Variants in CBLL1 observed in about 807,000 individuals in gnomAD.
The protein encoded by CBLL1 is E3 ubiquitin-protein ligase Hakai.
In CBLL1, 4 loss-of-function variants were observed where a neutral mutation model predicts 44.9. The ratio of observed to expected loss-of-function variants is 0.09; its 90% CI spans 0.04 to 0.20. The LOEUF (loss-of-function observed/expected upper bound fraction) is 0.20. Ranked by LOEUF, CBLL1 falls within the 10% of genes least tolerant of loss-of-function variation. CBLL1 has a pLI of 1.00. For missense variants in CBLL1, 569 were observed against 636.7 expected (o/e 0.89, Z 1.14); for synonymous variants, 235 against 202.2 (o/e 1.16, Z -1.38).
chr7:107,750,607 T>G (rs1793242028), intron 2 of CBLL1, among the ~76,000 whole-genome samples: 3 of 152,212 alleles, frequency 2.0e-5, no homozygotes, highest in Admixed American at 2.0e-4. Flanking sequence ...TTGAAGATTC[T>G]ATATAGTCAG....
At chr7:107,751,271 G>C (rs529319981) in intron 2 of CBLL1, among the ~76,000 whole-genome samples, 1 of 152,288 alleles carries the variant, frequency 6.6e-6, no homozygotes, top group South Asian at 2.1e-4. Context: ...TGAGGCTGCT[G>C]ATCTGACGGG....
At chr7:107,746,862 C>T (rs1179360784) in intron 1 of CBLL1, among the ~76,000 whole-genome samples, 2 of 152,100 alleles carry the variant, frequency 1.3e-5, no homozygotes, top group African/African-American at 4.8e-5. Context: ...AACTGTATCC[C>T]AGATTTTGTA....
At chr7:107,749,940 T>TTTGTTTGTTTG (rs1554370382) in intron 2 of CBLL1, among the ~76,000 whole-genome samples, 1 of 150,726 alleles carries the variant, frequency 6.6e-6, no homozygotes, top group Non-Finnish European at 1.5e-5. Context: ...ATATATATTT[T>TTTGTTTGTTTG]TTTGTTTGTT....
At chr7:107,749,083 T>C in intron 2 of CBLL1, 36 bp downstream of exon 2, 1 of 1,598,104 alleles carries the variant, frequency 6.3e-7, no homozygotes, top group Non-Finnish European at 8.6e-7. Context: ...ACACTCTTTC[T>C]GTTTTATCTG....
chr7:107,754,516 G>GA (rs201099123), intron 4 of CBLL1, among the ~76,000 whole-genome samples: 14 of 148,792 alleles, frequency 9.4e-5, no homozygotes, highest in Admixed American at 2.0e-4. Flanking sequence ...TTTGCCTTTA[G>GA]AAAAAAAAAA....
At chr7:107,744,403 T>A in intron 1 of CBLL1, 3 of 507,624 alleles carry the variant, frequency 5.9e-6, no homozygotes, top group Non-Finnish European at 1.0e-5. Context: ...CCGCTCCTAC[T>A]CTGGTTCTGC....
Position 107,758,009 on chromosome 7 carries a change from CTG to C in CBLL1, c.441-132_441-131del, listed in dbSNP as rs1013186319. 14 of 796,144 alleles carry C rather than the reference CTG, an allele frequency of 1.8e-5. No individual in the cohort carries two copies. In the Admixed American group the frequency reaches 2.4e-4, roughly 14 times the overall value. The allele number at this position is 796,144 out of a possible 1,614,324, so 49.3% of individuals were successfully genotyped here. A position where few individuals can be genotyped will look rare whatever the true frequency, so the allele number is the denominator to read the frequency against. ...AAGATTAAAGGTTTGCGTAGAATAA[CTG>C]TAACTTCTAATTGTGGACTTTTGCT... is the stretch of plus-strand genomic sequence containing the variant. On this transcript the variant is annotated intron_variant, in intron 5 of 5. Transcript: ENST00000440859. The surrounding 1 kb of genome is among the most constrained non-coding windows in gnomAD (Gnocchi z 4.2).
At position 107,758,094 on chromosome 7, in the gene CBLL1, T is replaced by C. The variant is rs745483627; in HGVS notation, c.441-49T>C. 4.0e-5 allele frequency: 59 copies of C among 1,489,904 alleles called. No individual in the cohort carries two copies. Among genetic ancestry groups the C allele is most frequent in the Non-Finnish European group, 4.4e-5 (49 of 1,110,116 alleles). 92.3% of individuals were successfully genotyped at this position (1,489,904 alleles called of 1,614,324 possible). ...AGCATATTTTTGAAAATTACATAAT[T>C]TTTTGTATTCTCTTTTAGTAAATCA... is the stretch of plus-strand genomic sequence containing the variant. On this transcript the variant is annotated intron_variant, in intron 5 of 5. Transcript: ENST00000440859. The surrounding 1 kb of genome is among the most constrained non-coding windows in gnomAD (Gnocchi z 4.2).
At chr7:107,744,453 G>A in intron 1 of CBLL1, 1 of 420,166 alleles carries the variant, frequency 2.4e-6, no homozygotes, top group Non-Finnish European at 4.2e-6. Context: ...GTAGGCCTTC[G>A]GGAAGGGAGA....
chr7:107,755,939 G>C (rs1419933860), intron 5 of CBLL1, among the ~76,000 whole-genome samples: 1 of 151,670 alleles, frequency 6.6e-6, no homozygotes, highest in African/African-American at 2.4e-5. Flanking sequence ...GATTAAATGA[G>C]GTTTTATATA....
At position 107,759,034 on chromosome 7, in the gene CBLL1, A is replaced by C. The variant is rs781124819; in HGVS notation, c.1332A>C (p.Thr444=). 1.2e-6 allele frequency: 2 copies of C among 1,613,926 alleles called. No individual in the cohort carries two copies. The highest frequency in any genetic ancestry group is 2.2e-5 in the South Asian group (2 of 91,050). ...EDQGTLSPPF[T]QPGGMSPGIW... is the part of the protein sequence containing the mutation. The stretch of plus-strand genomic sequence containing the variant: ...AAGGAACTCTGAGCCCTCCATTTAC[A>C]CAACCAGGGGGAATGAGTCCTGGTA... The change falls in exon 6 of 6, where the codon ACA becomes ACC. Residue 444 remains threonine, a synonymous_variant. Transcript: ENST00000440859.
intron 1 of CBLL1, among the ~76,000 whole-genome samples, chr7:107,745,159 T>G (rs142439193): frequency 6.6e-6 from 1 of 152,272 alleles, no homozygotes; most frequent in East Asian, 1.9e-4. Flanking sequence ...AGAACTTCTG[T>G]TTTATGGAGG....
intron 1 of CBLL1, 60 bp downstream of exon 1, chr7:107,744,236 G>A: frequency 2.0e-6 from 3 of 1,498,740 alleles, no homozygotes; most frequent in South Asian, 2.6e-5. Context: ...GCCTGGGGCT[G>A]GTCGCACAGC....
At chr7:107,751,145 C>CA (rs1554371023) in intron 2 of CBLL1, among the ~76,000 whole-genome samples, 2 of 152,006 alleles carry the variant, frequency 1.3e-5, no homozygotes, top group African/African-American at 4.8e-5. Context: ...TGGCAGGGTG[C>CA]GGGGAGTGGT....
rs1562865977 is a variant in CBLL1 at position 107,758,336 on chromosome 7, C to T, written c.634C>T (p.Pro212Ser). The T allele has an allele frequency of 6.2e-7, 1 of 1,614,132 alleles. No individual in the cohort carries two copies. The highest frequency in any genetic ancestry group is 2.2e-5 in the East Asian group (1 of 44,880). ...AAATGTTCATCCTCCTATTGCCCCA[C>T]CACCAACTGAAATCCCTGAGCGTTT... ...LENVHPPIAP[P>S]PTEIPERFIM... The change falls in exon 6 of 6, where the codon CCA becomes TCA. Residue 212 changes from proline to serine, a missense_variant. By Grantham distance (74) the Pro-to-Ser change is moderately conservative (BLOSUM62 -1). Transcript: ENST00000440859. The surrounding 1 kb of genome is among the most constrained non-coding windows in gnomAD (Gnocchi z 4.2).
chr7:107,744,364 G>A, intron 1 of CBLL1, 188 bp downstream of exon 1: 1 of 657,352 alleles, frequency 1.5e-6, no homozygotes, highest in South Asian at 2.4e-5. Flanking sequence ...CGTCTGGTGT[G>A]GTACCTACCT....
At chr7:107,757,106 A>G (rs1584387242) in intron 5 of CBLL1, among the ~76,000 whole-genome samples, 1 of 152,160 alleles carries the variant, frequency 6.6e-6, no homozygotes, top group Non-Finnish European at 1.5e-5. Context: ...ACTCAAAATC[A>G]AGAGTATAGA....
chr7:107,750,624 G>A (rs2188565), intron 2 of CBLL1, among the ~76,000 whole-genome samples: 112,911 of 152,098 alleles, frequency 0.74, 42,270 homozygotes, highest in East Asian at 0.99. Flanking sequence ...TCAGATATCC[G>A]GTCTTTGCTT....
At chr7:107,744,228 CT>C in intron 1 of CBLL1, 52 bp downstream of exon 1, 1 of 1,514,900 alleles carries the variant, frequency 6.6e-7, no homozygotes, top group Non-Finnish European at 8.9e-7. Flanking sequence ...CTTGGCCGGC[CT>C]GGGGCTGGTC....
Sources: allele counts gnomAD v4.1 joint callset (sites outside exome capture counted in the v4.1 genomes callset), GRCh38; gene constraint gnomAD v4.1.1; non-coding constraint Gnocchi (gnomAD v3.1); transcripts MANE v1.5; gene names NCBI Gene and HGNC (gene_info 2026-07-23, HGNC 2026-07-21).